ANK1: variants seen among roughly 807,000 people sequenced by gnomAD.
The protein encoded by ANK1 is ankyrin 1.
ANK1 carries 51 observed loss-of-function variants against 210.4 expected under a neutral mutation model. That is an observed-to-expected ratio of 0.24 (90% CI 0.19 to 0.31). The LOEUF (loss-of-function observed/expected upper bound fraction) is 0.31, where lower values mean the gene tolerates loss of function less well. ANK1 is among the 10% of genes least tolerant of loss of function. ANK1 has a pLI of 1.00. For missense variants in ANK1, 2,051 were observed against 2,504.4 expected, an observed-to-expected ratio of 0.82 and a Z score of 3.86; for synonymous variants, 967 against 1,025.9, an observed-to-expected ratio of 0.94 and a Z score of 1.10.
rs146262414 is a variant in ANK1 at position 41,854,818 on chromosome 8, C to T, written c.126+41537G>A. 6.8e-4 allele frequency among the ~76,000 whole-genome samples: 104 copies of T among 152,008 alleles called. 2 individuals carry two copies. Among genetic ancestry groups the T allele is most frequent in the Middle Eastern group, 3.4e-3 (1 of 294 alleles). ...TTTTTAAATTAGTCAGGTGTGGTTG[C>T]GCACAGCTGTAGTCCTAGCTACTCG... On this transcript the variant is annotated intron_variant, in intron 1 of 42. Coordinates refer to the ANK1 transcript ENST00000265709.
intron 39 of ANK1, chr8:41,664,661 G>C (rs1809755186): frequency 8.7e-6 from 7 of 802,092 alleles, no homozygotes; most frequent in Non-Finnish European, 1.4e-5. Context: ...TCCCAGGGTG[G>C]AACATGATCC....
Position 41,702,157 on chromosome 8 carries a change from C to A in ANK1, c.2296-13G>T, listed in dbSNP as rs775372715. 1.6e-5 allele frequency: 25 copies of A among 1,610,796 alleles called. No individual in the cohort carries two copies. In the Admixed American group the frequency reaches 3.8e-4, roughly 25 times the overall value. On this transcript the variant is annotated splice_polypyrimidine_tract_variant and intron_variant, in intron 20 of 42. Transcript: ENST00000289734. ...GTGTGGTTCCATCCTGGGGAAAGAG[C>A]AGCCCGGGTGCAGTCAGACAGGGGA...
chr8:41,677,740 C>G (rs1207480669), intron 37 of ANK1, among the ~76,000 whole-genome samples: 1 of 151,978 alleles, frequency 6.6e-6, no homozygotes, highest in Non-Finnish European at 1.5e-5. Context: ...CAGGCACGCA[C>G]CACCATACAC....
chr8:41,896,513 G>A, exon 1 of ANK1: 3 of 1,571,466 alleles, frequency 1.9e-6, no homozygotes, highest in African/African-American at 1.4e-5. Context: ...CCCGCCTCCT[G>A]GACCCCTAGC....
chr8:41,714,153 T>C lies in ANK1; in HGVS notation c.1800+3A>G. 2 of 1,360,302 alleles carry C rather than the reference T, an allele frequency of 1.5e-6. No individual in the cohort carries two copies. The highest frequency in any genetic ancestry group is 1.9e-6 in the Non-Finnish European group (2 of 1,042,450). 84.3% of individuals were successfully genotyped at this position (1,360,302 alleles called of 1,614,324 possible). A position where few individuals can be genotyped will look rare whatever the true frequency, so the allele number is the denominator to read the frequency against. On this transcript the variant is annotated splice_donor_region_variant and intron_variant, in intron 16 of 42. Transcript: ENST00000289734. ...GGCAGCTGGGGAGAGGGGCGGGCCTTACCCAGGCAGGGCTGTGCGGGGAGC... is the reference window on the plus strand; with the variant it reads ...GGCAGCTGGGGAGAGGGGCGGGCCTCACCCAGGCAGGGCTGTGCGGGGAGC...
Position 41,655,489 on chromosome 8 carries a change from CCTCT to C in ANK1, c.*297_*300del. On this transcript the variant is annotated 3_prime_UTR_variant, in exon 43 of 43. Transcript: ENST00000289734. Reference sequence around the variant, plus strand: ...GGCTCTCCTGCGCTTGTTTTCTATCCCTCTCTCTCCCCGCTTCTTGCTGCTTTTG... The same window carrying C: ...GGCTCTCCTGCGCTTGTTTTCTATCCCTCTCCCCGCTTCTTGCTGCTTTTG... 1 of 523,988 alleles carries C rather than the reference CCTCT, an allele frequency of 1.9e-6. No individual in the cohort carries two copies. Among genetic ancestry groups the C allele is most frequent in the South Asian group, 2.8e-5 (1 of 35,460 alleles). 32.5% of individuals were successfully genotyped at this position (523,988 alleles called of 1,614,324 possible). A position where few individuals can be genotyped will look rare whatever the true frequency, so the allele number is the denominator to read the frequency against.
Position 41,672,407 on chromosome 8 carries a change from G to A in ANK1, c.5043C>T (p.Ala1681=). 1 of 1,614,124 alleles carries A rather than the reference G, an allele frequency of 6.2e-7. No individual in the cohort carries two copies. Among genetic ancestry groups the A allele is most frequent in the Non-Finnish European group, 8.5e-7 (1 of 1,180,026 alleles). The change falls in exon 38 of 43, where the codon GCC becomes GCT. Residue 1681 remains alanine, a synonymous_variant. Transcript: ENST00000289734. ...SLVSGHQRGQ[A]RITHSPTVSQ... is the part of the protein sequence containing the mutation. ...TCACGGTGGGGGAATGTGTGATTCG[G>A]GCTTGCCCCCTCTGATGGCCTGAAA...
At chr8:41,700,789 G>C (rs1051786284) in intron 22 of ANK1, among the ~76,000 whole-genome samples, 1 of 152,088 alleles carries the variant, frequency 6.6e-6, no homozygotes, top group African/African-American at 2.4e-5. Flanking sequence ...TAGAGACAGG[G>C]TCTTGCTCTG....
In ANK1 at chr8:41,699,537, T is replaced by A. The variant is rs1314195800; in HGVS notation, c.2473A>T (p.Ile825Phe). Residue 825 changes from isoleucine (I) to phenylalanine (F), a missense_variant, in exon 23 of 43, where the codon ATC (isoleucine) becomes TTC (phenylalanine). Physicochemically the swap from Ile to Phe is conservative, Grantham distance 21 (BLOSUM62 0). Around this residue, in one of 6 missense-constraint regions of ANK1, gnomAD observed 1,413 missense variants for 1,707.4 expected, o/e 0.83. Coordinates refer to ENST00000289734, the MANE Select transcript of ANK1 (RefSeq NM_000037.4). ...DVSEDEGEEL[I>F]SFKAERRDSR... ...TCCCGCCTCTCAGCCTTGAAGCTGA[T>A]GAGTTCTTCCCCTGAAACAGCAAGA... is the stretch of plus-strand genomic sequence containing the variant. 1.2e-6 allele frequency: 2 copies of A among 1,614,012 alleles called. No individual in the cohort carries two copies. The highest frequency in any genetic ancestry group is 1.7e-6 in the Non-Finnish European group (2 of 1,180,024).
chr8:41,682,553 C>A (rs16890736), intron 37 of ANK1, among the ~76,000 whole-genome samples: 1,728 of 152,356 alleles, frequency 0.011, 41 homozygotes, highest in African/African-American at 0.04. Context: ...GCCAAATGGG[C>A]TGACCCCCTG....
rs1230408835 is a variant in ANK1 at position 41,723,781 on chromosome 8, T to TA, written c.712-149_712-148insT. ...TTCTGGCCTAAGATATTTTATTTTTTTTTATTTTTTATTTTTTTTTTTTTT... is the reference window on the plus strand; with the variant it reads ...TTCTGGCCTAAGATATTTTATTTTTTATTTATTTTTTATTTTTTTTTTTTTT... On this transcript the variant is annotated intron_variant, in intron 7 of 42. Transcript: ENST00000289734. 1,230 of 510,164 alleles carry TA rather than the reference T, an allele frequency of 2.4e-3. 8 individuals carry two copies. The highest frequency in any genetic ancestry group is 3.0e-3 in the Non-Finnish European group (887 of 297,914). The allele number at this position is 510,164 out of a possible 1,614,324, so 31.6% of individuals were successfully genotyped here. A position where few individuals can be genotyped will look rare whatever the true frequency, so the allele number is the denominator to read the frequency against.
At chr8:41,763,436 G>A (rs1204354556) in intron 1 of ANK1, among the ~76,000 whole-genome samples, 4 of 152,108 alleles carry the variant, frequency 2.6e-5, no homozygotes, top group Non-Finnish European at 5.9e-5. Flanking sequence ...TTTTAGAGGT[G>A]ATGAAACTGA....
chr8:41,815,316 A>T (rs1426558326), intron 1 of ANK1, among the ~76,000 whole-genome samples: 3 of 152,154 alleles, frequency 2.0e-5, no homozygotes, highest in African/African-American at 7.2e-5. Flanking sequence ...AGGTGGAAAA[A>T]AAATTTCACT....
chr8:41,702,505 T>A (rs1401270354), intron 20 of ANK1, among the ~76,000 whole-genome samples: 1 of 152,150 alleles, frequency 6.6e-6, no homozygotes, highest in East Asian at 1.9e-4. Context: ...TTTAGGAAGA[T>A]GAGGACAGAG....
chr8:41,836,670 T>C (rs532259516), intron 1 of ANK1, among the ~76,000 whole-genome samples: 19 of 152,224 alleles, frequency 1.2e-4, no homozygotes, highest in African/African-American at 4.6e-4. Flanking sequence ...ACACCTGTAA[T>C]TGCTGTGCTT....
chr8:41,849,058 C>A (rs1415685367), intron 1 of ANK1, among the ~76,000 whole-genome samples: 1 of 152,244 alleles, frequency 6.6e-6, no homozygotes, highest in African/African-American at 2.4e-5. Context: ...TGGAATCAAA[C>A]CCAAAGAGAA....
At chr8:41,668,236 C>T (rs200180654) in intron 39 of ANK1, 31 bp downstream of exon 39, 2 of 1,613,902 alleles carry the variant, frequency 1.2e-6, no homozygotes, top group Non-Finnish European at 1.7e-6. Flanking sequence ...TGGGAAGGAA[C>T]AGCAGCACGC....
upstream of ANK1, among the ~76,000 whole-genome samples, chr8:41,802,549 T>C (rs1402997794): frequency 6.6e-6 from 1 of 152,206 alleles, no homozygotes; most frequent in Non-Finnish European, 1.5e-5. Context: ...ACTGTCTTCA[T>C]TGCTACTGCA....
At chr8:41,805,969 A>G (rs1312927983) in intron 1 of ANK1, among the ~76,000 whole-genome samples, 1 of 152,238 alleles carries the variant, frequency 6.6e-6, no homozygotes, top group Non-Finnish European at 1.5e-5. Flanking sequence ...AAACTCAACA[A>G]GTAATTTCTT....
Sources: allele counts gnomAD v4.1 joint callset (sites outside exome capture counted in the v4.1 genomes callset), GRCh38; gene constraint gnomAD v4.1.1; regional missense constraint gnomAD v4.1.1; transcripts MANE v1.5; gene names NCBI Gene and HGNC (gene_info 2026-07-23, HGNC 2026-07-21).